CASD1: variants seen among roughly 807,000 people sequenced by gnomAD.
CASD1 encodes N-acetylneuraminate (7)9-O-acetyltransferase.
In CASD1, 41 loss-of-function variants were observed where a neutral mutation model predicts 100.0. The ratio of observed to expected loss-of-function variants is 0.41; its 90% CI spans 0.32 to 0.53. CASD1 has a LOEUF of 0.53. Ranked by LOEUF, CASD1 falls within the 20% of genes least tolerant of loss-of-function variation. The pLI is 0.25. For missense variants in CASD1, 774 were observed against 948.7 expected (o/e 0.82, Z 2.42); for synonymous variants, 321 against 315.6 (o/e 1.02, Z -0.18).
chr7:94,518,374 GAATA>G, intron 3 of CASD1, 51 bp downstream of exon 3: 1 of 1,466,796 alleles, frequency 6.8e-7, no homozygotes, highest in African/African-American at 1.5e-5. Flanking sequence ...TTAACCAACT[GAATA>G]GTTACAGGAG....
At chr7:94,552,248 G>GT in intron 15 of CASD1, 102 bp from the exon 16 acceptor site, 1 of 767,664 alleles carries the variant, frequency 1.3e-6, no homozygotes, top group Non-Finnish European at 2.2e-6. Context: ...GCATAATGAA[G>GT]TATAATGTTA....
downstream of CASD1, among the ~76,000 whole-genome samples, chr7:94,559,304 GTA>G (rs1491284436): frequency 3.1e-4 from 39 of 125,046 alleles, no homozygotes; most frequent in South Asian, 7.3e-4. Context: ...GTGTGTGTGT[GTA>G]TGTGTGTGTG....
chr7:94,538,861 G>A (rs1795246425), intron 9 of CASD1, 106 bp from the exon 10 acceptor site: 2 of 487,042 alleles, frequency 4.1e-6, no homozygotes, highest in African/African-American at 2.0e-5. Flanking sequence ...TTTGACAGAA[G>A]CATTAGCTTT....
At chr7:94,538,856 C>T (rs1795245880) in intron 9 of CASD1, 111 bp from the exon 10 acceptor site, 2 of 469,304 alleles carry the variant, frequency 4.3e-6, no homozygotes, top group South Asian at 4.8e-5. Flanking sequence ...GTTCTTTTGA[C>T]AGAAGCATTA....
the CASD1 span, among the ~76,000 whole-genome samples, chr7:94,582,173 A>G: frequency 6.6e-6 from 1 of 152,214 alleles, no homozygotes; most frequent in East Asian, 1.9e-4. Flanking sequence ...ACTGAAGTGC[A>G]GTGGCACGAT....
the CASD1 span, among the ~76,000 whole-genome samples, chr7:94,630,363 T>C: frequency 4.0e-5 from 6 of 151,892 alleles, no homozygotes; most frequent in African/African-American, 1.2e-4. Context: ...TTTTTACGTA[T>C]ACTTATAAAA....
the CASD1 span, among the ~76,000 whole-genome samples, chr7:94,602,770 A>G: frequency 6.6e-6 from 1 of 152,182 alleles, no homozygotes; most frequent in Non-Finnish European, 1.5e-5. Flanking sequence ...TGATTTGGAA[A>G]GAAATATTAT....
intron 14 of CASD1, 82 bp downstream of exon 14, chr7:94,549,716 T>C (rs1006002086): frequency 2.0e-6 from 2 of 992,228 alleles, no homozygotes; most frequent in African/African-American, 3.3e-5. Flanking sequence ...TATCTATACT[T>C]AGTTTCAGAA....
the CASD1 span, among the ~76,000 whole-genome samples, chr7:94,581,453 C>CTTT: frequency 6.6e-6 from 1 of 152,128 alleles, no homozygotes; most frequent in East Asian, 1.9e-4. Context: ...ATATGGTTTG[C>CTTT]TGCACAGATC....
Position 94,510,141 on chromosome 7 carries a change from G to C in CASD1, c.57G>C (p.Val19=), listed in dbSNP as rs951563673. ...GGGAGATCAACCACTACTTCAGCGT[G>C]AGGAGCGCCAAGGTGCTGGCGCTGG... ...GKREINHYFS[V]RSAKVLALVA... is the part of the protein sequence containing the mutation. Residue 19 remains valine (V), a synonymous_variant, in exon 1 of 18, where the codon GTG becomes GTC. Transcript: ENST00000297273. 4 of 1,530,010 alleles carry C rather than the reference G, an allele frequency of 2.6e-6. No individual in the cohort carries two copies. Among genetic ancestry groups the C allele is most frequent in the South Asian group, 2.4e-5 (2 of 81,682 alleles). 94.8% of individuals were successfully genotyped at this position (1,530,010 alleles called of 1,614,324 possible). A position where few individuals can be genotyped will look rare whatever the true frequency, so the allele number is the denominator to read the frequency against.
chr7:94,631,247 G>A, the CASD1 span, among the ~76,000 whole-genome samples: 10,902 of 151,520 alleles, frequency 0.072, 444 homozygotes, highest in East Asian at 0.14. Flanking sequence ...CCCATTCCGC[G>A]AAACAAGAAT....
At chr7:94,601,840 T>G in the CASD1 span, among the ~76,000 whole-genome samples, 1 of 152,130 alleles carries the variant, frequency 6.6e-6, no homozygotes, top group Non-Finnish European at 1.5e-5. Context: ...TGCTTATTTT[T>G]GGGGGGTGAA....
the CASD1 span, among the ~76,000 whole-genome samples, chr7:94,615,405 GATAGATAGATAGATAGATAA>G: frequency 1.1e-4 from 16 of 150,338 alleles, no homozygotes; most frequent in Non-Finnish European, 2.1e-4. Context: ...TAGATAGATA[GATAGATAGATAGATAGATAA>G]AGGGCAATTC....
At position 94,510,089 on chromosome 7, in the gene CASD1, C is replaced by T; in HGVS notation, c.5C>T (p.Ala2Val). ...TGTTGTCATGGAGGAACCAAGATGG[C>T]GGCTCTGGCCTACAACCTGGGCAAG... The part of the protein sequence containing the change: M[A>V]ALAYNLGKRE... Residue 2 changes from alanine to valine, a missense_variant, in exon 1 of 18, where the codon GCG becomes GTG. By Grantham distance (64) the Ala-to-Val change is moderately conservative. Transcript: ENST00000297273. The T allele has an allele frequency of 4.0e-6, 6 of 1,518,854 alleles. No homozygotes were observed. The highest frequency in any genetic ancestry group is 2.3e-4 in the Middle Eastern group (1 of 4,396). The allele number at this position is 1,518,854 out of a possible 1,614,324, so 94.1% of individuals were successfully genotyped here.
the CASD1 span, chr7:94,617,424 T>C: frequency 6.6e-6 from 1 of 152,206 alleles, no homozygotes; most frequent in African/African-American, 2.4e-5. Flanking sequence ...TATTTGGTCA[T>C]TGTTTTAACA....
chr7:94,589,805 T>C, the CASD1 span: 1 of 185,940 alleles, frequency 5.4e-6, no homozygotes, highest in Non-Finnish European at 1.1e-5. Flanking sequence ...GGGCTCCCAC[T>C]GATTCTACAT....
At chr7:94,561,095 AAATT>A (rs1261588982), downstream of CASD1, among the ~76,000 whole-genome samples, 1 of 152,066 alleles carries the variant, frequency 6.6e-6, no homozygotes, top group Non-Finnish European at 1.5e-5. Context: ...AAAATACAAA[AAATT>A]AGCCAGGTGT....
At chr7:94,529,813 A>G (rs1487217517) in intron 5 of CASD1, among the ~76,000 whole-genome samples, 2 of 152,136 alleles carry the variant, frequency 1.3e-5, no homozygotes, top group Non-Finnish European at 2.9e-5. Flanking sequence ...TTAGGATAGG[A>G]GGTGGTGAGA....
the CASD1 span, among the ~76,000 whole-genome samples, chr7:94,601,068 T>C: frequency 6.6e-6 from 1 of 152,220 alleles, no homozygotes; most frequent in African/African-American, 2.4e-5. Flanking sequence ...GTCTACTTTC[T>C]ATGTTCTTCC....
Sources: allele counts gnomAD v4.1 joint callset (sites outside exome capture counted in the v4.1 genomes callset), GRCh38; gene constraint gnomAD v4.1.1; transcripts MANE v1.5; gene names NCBI Gene and HGNC (gene_info 2026-07-23, HGNC 2026-07-21).